Variants in ARHGEF10L observed in about 807,000 individuals in gnomAD.
ARHGEF10L encodes the protein rho guanine nucleotide exchange factor 10-like protein.
A neutral mutation model predicts 141.2 loss-of-function variants in ARHGEF10L; 69 were observed. The observed-to-expected ratio is 0.49, with a 90% CI of 0.40 to 0.60. The LOEUF (loss-of-function observed/expected upper bound fraction) is 0.60. Ranked by LOEUF, ARHGEF10L falls within the 20% of genes least tolerant of loss-of-function variation. The pLI is 0.00. For missense variants in ARHGEF10L, 1,482 were observed against 1,734.3 expected (o/e 0.85, Z 2.58); for synonymous variants, 711 against 718.5 (o/e 0.99, Z 0.17).
chr1:17,524,954 G>A, the ARHGEF10L span, among the ~76,000 whole-genome samples: 1 of 152,170 alleles, frequency 6.6e-6, no homozygotes, highest in Non-Finnish European at 1.5e-5. Flanking sequence ...CTTCTCCCCT[G>A]CTCAGGCCTG....
the ARHGEF10L span, among the ~76,000 whole-genome samples, chr1:17,529,052 G>A: frequency 1.3e-5 from 2 of 152,132 alleles, no homozygotes; most frequent in Non-Finnish European, 2.9e-5. Context: ...TGCCCAGGCT[G>A]GAGTACAGTG....
At chr1:17,605,210 C>T (rs2081060318) in intron 6 of ARHGEF10L, among the ~76,000 whole-genome samples, 1 of 152,178 alleles carries the variant, frequency 6.6e-6, no homozygotes, top group Non-Finnish European at 1.5e-5. Flanking sequence ...GGAGCTCGGG[C>T]CAGCTCTGCC....
chr1:17,609,451 G>C (rs555510626), intron 7 of ARHGEF10L, among the ~76,000 whole-genome samples: 17 of 152,326 alleles, frequency 1.1e-4, no homozygotes, highest in South Asian at 4.1e-4. Context: ...CATATCTTCA[G>C]TTGTGGGACG....
chr1:17,567,162 G>A (rs567789355), intron 1 of ARHGEF10L, among the ~76,000 whole-genome samples: 3 of 152,228 alleles, frequency 2.0e-5, no homozygotes, highest in African/African-American at 7.2e-5. Context: ...GTGGCCATCC[G>A]TGCATCCGCC....
chr1:17,627,306 T>C lies in ARHGEF10L; in HGVS notation c.1411-24T>C. Reference sequence around the variant, plus strand: ...GTAGAGTTGGTCATGGGTGGGCTGCTCAGTCTCTGCTCTGACCTGGCAGGA... The same window carrying C: ...GTAGAGTTGGTCATGGGTGGGCTGCCCAGTCTCTGCTCTGACCTGGCAGGA... On this transcript the variant is annotated intron_variant, in intron 14 of 28. Coordinates refer to ENST00000361221, the MANE Select transcript of ARHGEF10L (RefSeq NM_018125.4). This position sits in a 1 kb window ranked among gnomAD's most constrained non-coding sequence, Gnocchi z 4.0. 1 of 1,606,916 alleles carries C rather than the reference T, an allele frequency of 6.2e-7. No homozygotes were observed.
the ARHGEF10L span, among the ~76,000 whole-genome samples, chr1:17,514,947 C>T: frequency 2.0e-5 from 3 of 152,314 alleles, no homozygotes; most frequent in Non-Finnish European, 2.9e-5. Flanking sequence ...CTTGTCCTTC[C>T]GGCCCCTTGA....
intron 1 of ARHGEF10L, 95 bp from the exon 2 acceptor site, chr1:17,580,458 G>A: frequency 9.1e-7 from 1 of 1,094,380 alleles, no homozygotes. Context: ...AGAGCCACTG[G>A]GCTGAAGCAC....
rs765475099 is a variant in ARHGEF10L at position 17,623,040 on chromosome 1, C to T, written c.1065C>T (p.Ser355=). ...TGGAGATGGAGCCCAAGGCGCTGAG[C>T]GCCCGCAAGTGCCAGGTGGTGTTCT... The part of the protein sequence containing the change: ...PLMEMEPKAL[S]ARKCQVVFFR... The change falls in exon 12 of 29, where the codon AGC becomes AGT. Residue 355 remains serine (S), a synonymous_variant. Coordinates refer to ENST00000361221, the MANE Select transcript of ARHGEF10L (RefSeq NM_018125.4). This position sits in a 1 kb window ranked among gnomAD's most constrained non-coding sequence, Gnocchi z 4.7. 2.0e-5 allele frequency: 32 copies of T among 1,613,918 alleles called. No individual in the cohort carries two copies. Among genetic ancestry groups the T allele is most frequent in the Admixed American group, 5.0e-5 (3 of 59,994 alleles).
intron 16 of ARHGEF10L, among the ~76,000 whole-genome samples, chr1:17,633,222 C>T (rs773324128): frequency 1.3e-5 from 2 of 152,248 alleles, no homozygotes; most frequent in Non-Finnish European, 2.9e-5. Flanking sequence ...CTCACCTGCT[C>T]GCATCCCCTG....
intron 19 of ARHGEF10L, among the ~76,000 whole-genome samples, chr1:17,638,341 C>G (rs114968936): frequency 0.024 from 3,598 of 152,314 alleles, 154 homozygotes; most frequent in African/African-American, 0.083. Flanking sequence ...CGGCATGTCC[C>G]TCTCAGAGGA....
rs752301642 is a variant in ARHGEF10L, at chr1:17,602,367, C to T, written c.349+149C>T. On this transcript the variant is annotated intron_variant, in intron 5 of 28. Transcript: ENST00000361221. ...TCTGTGGCCCTGGAGGACCAACCAC[C>T]GCCCCCAAGAGCCAAGGTCCAGGAT... 3.4e-5 allele frequency: 29 copies of T among 844,678 alleles called. 1 individual carries two copies. The highest frequency in any genetic ancestry group is 1.4e-4 in the Admixed American group (5 of 36,592). The allele number at this position is 844,678 out of a possible 1,614,324, so 52.3% of individuals were successfully genotyped here.
the ARHGEF10L span, among the ~76,000 whole-genome samples, chr1:17,514,237 A>G: frequency 1.5e-4 from 21 of 137,528 alleles, no homozygotes; most frequent in Non-Finnish European, 2.9e-4. Context: ...TTGAGTTTAA[A>G]TGATTCTCCT....
chr1:17,608,771 C>A (rs1440881034), intron 7 of ARHGEF10L, among the ~76,000 whole-genome samples: 1 of 152,052 alleles, frequency 6.6e-6, no homozygotes, highest in Non-Finnish European at 1.5e-5. Context: ...TCTCAGGCTA[C>A]TTTTATGTTT....
intron 2 of ARHGEF10L, among the ~76,000 whole-genome samples, chr1:17,583,261 G>C (rs151252491): frequency 6.6e-6 from 1 of 151,482 alleles, no homozygotes; most frequent in African/African-American, 2.4e-5. Flanking sequence ...GGACATGGCT[G>C]GGGGCAGGGT....
In ARHGEF10L at chr1:17,639,881, C is replaced by T. The variant is rs773120842; in HGVS notation, c.2172-321C>T. On this transcript the variant is annotated intron_variant, in intron 20 of 28. Transcript: ENST00000361221. This position sits in a 1 kb window ranked among gnomAD's most constrained non-coding sequence, Gnocchi z 4.3. The stretch of plus-strand genomic sequence containing the variant: ...TGTCTAAGACCTGTGGACAGCTGAC[C>T]GCTGACCAGGTGGAGTCACAGCCTG... 5.0e-6 allele frequency: 7 copies of T among 1,407,256 alleles called. No individual in the cohort carries two copies. Among genetic ancestry groups the T allele is most frequent in the South Asian group, 2.4e-5 (2 of 82,100 alleles). The allele number at this position is 1,407,256 out of a possible 1,614,324, so 87.2% of individuals were successfully genotyped here.
At position 17,625,661 on chromosome 1, in the gene ARHGEF10L, A is replaced by G. The variant is rs141581747; in HGVS notation, c.1318-295A>G. On this transcript the variant is annotated intron_variant, in intron 13 of 28. Transcript: ENST00000361221. The surrounding 1 kb of genome is among the most constrained non-coding windows in gnomAD (Gnocchi z 4.5). ...GGGAATGGTTGCCTTGGCCACTTCT[A>G]GAAGTCTGACATCTTGAATAAATTG... 7.8e-3 allele frequency among the ~76,000 whole-genome samples: 1,187 copies of G among 152,302 alleles called. 15 individuals are homozygous for G. Among genetic ancestry groups the G allele is most frequent in the African/African-American group, 0.027 (1,125 of 41,566 alleles).
chr1:17,558,911 G>T lies in ARHGEF10L; in HGVS notation c.-44+18961G>T, dbSNP rs1260488918. 6.6e-6 allele frequency among the ~76,000 whole-genome samples: 1 copy of T among 152,220 alleles called. No homozygotes were observed. The highest frequency in any genetic ancestry group is 1.5e-5 in the Non-Finnish European group (1 of 68,042). On this transcript the variant is annotated intron_variant, in intron 1 of 28. Transcript: ENST00000361221. The surrounding 1 kb of genome is among the most constrained non-coding windows in gnomAD (Gnocchi z 4.2). ...GGGAGGGCTGAGGGGCCCTTCCCCA[G>T]CTTCCTCGGCTTTCAGCTCTTTTCT... is the stretch of plus-strand genomic sequence containing the variant.
At chr1:17,657,823 C>T (rs2062369532) in intron 25 of ARHGEF10L, among the ~76,000 whole-genome samples, 2 of 152,234 alleles carry the variant, frequency 1.3e-5, no homozygotes, top group South Asian at 4.1e-4. Context: ...TCCCACGGAA[C>T]ACTGTGAGCC....
intron 1 of ARHGEF10L, among the ~76,000 whole-genome samples, chr1:17,546,840 T>C (rs2076934333): frequency 6.6e-6 from 1 of 152,202 alleles, no homozygotes; most frequent in African/African-American, 2.4e-5. Flanking sequence ...CTAATACTAA[T>C]GGCTCATAAT....
Sources: allele counts gnomAD v4.1 joint callset (sites outside exome capture counted in the v4.1 genomes callset), GRCh38; gene constraint gnomAD v4.1.1; non-coding constraint Gnocchi (gnomAD v3.1); transcripts MANE v1.5; gene names NCBI Gene and HGNC (gene_info 2026-07-23, HGNC 2026-07-21).